SORCS3: variants seen among roughly 807,000 people sequenced by gnomAD.
SORCS3 encodes sortilin related VPS10 domain containing receptor 3.
SORCS3 carries 57 observed loss-of-function variants against 146.3 expected under a neutral mutation model. The ratio of observed to expected loss-of-function variants is 0.39; its 90% confidence interval spans 0.31 to 0.49. The LOEUF (loss-of-function observed/expected upper bound fraction) is 0.49. SORCS3 is among the 20% of genes least tolerant of loss of function. SORCS3 has a pLI of 0.92. For synonymous variants in SORCS3, 653 were observed against 618.5 expected, an observed-to-expected ratio of 1.06 and a Z score of -0.83; for missense variants, 1,341 against 1,575.5, an observed-to-expected ratio of 0.85 and a Z score of 2.52.
intron 4 of SORCS3, among the ~76,000 whole-genome samples, chr10:105,032,568 G>A (rs1365448136): frequency 6.6e-6 from 1 of 152,160 alleles, no homozygotes; most frequent in Non-Finnish European, 1.5e-5. Flanking sequence ...ATATTTAAAT[G>A]TCCTTCTGGA....
At chr10:104,956,232 G>A (rs1226558390) in intron 3 of SORCS3, among the ~76,000 whole-genome samples, 1 of 152,154 alleles carries the variant, frequency 6.6e-6, no homozygotes, top group Non-Finnish European at 1.5e-5. Context: ...CTAAAGAGTT[G>A]GCTCTCTATA....
intron 3 of SORCS3, among the ~76,000 whole-genome samples, chr10:104,965,920 T>G (rs1242234749): frequency 6.6e-6 from 1 of 152,100 alleles, no homozygotes; most frequent in African/African-American, 2.4e-5. Flanking sequence ...GAGTCTAATT[T>G]TGGCAAAGAG....
At chr10:104,777,187 G>A (rs2017319593) in intron 1 of SORCS3, among the ~76,000 whole-genome samples, 1 of 152,142 alleles carries the variant, frequency 6.6e-6, no homozygotes, top group Admixed American at 6.5e-5. Context: ...GGAACTTGAG[G>A]TGACTCTGAA....
At chr10:105,038,848 ATG>A (rs1408483922) in intron 4 of SORCS3, among the ~76,000 whole-genome samples, 1 of 152,128 alleles carries the variant, frequency 6.6e-6, no homozygotes, top group Non-Finnish European at 1.5e-5. Context: ...ATGTTGACAC[ATG>A]TGTTTTATTT....
At position 105,255,846 on chromosome 10, in the gene SORCS3, A is replaced by T. The variant is rs754865158; in HGVS notation, c.3337+45A>T. 1.8e-5 allele frequency: 26 copies of T among 1,450,764 alleles called. No homozygotes were observed. In the South Asian group the frequency reaches 2.8e-4, roughly 16 times the overall value. 89.9% of individuals were successfully genotyped at this position (1,450,764 alleles called of 1,614,324 possible). On this transcript the variant is annotated intron_variant, in intron 24 of 26. Coordinates refer to ENST00000369701, the MANE Select transcript of SORCS3 (RefSeq NM_014978.3). ...GGGGAAATGGGAAAGAGGATCTGTT[A>T]TCCCAGAGAGAAAAGGAGGAGAGAA...
intron 3 of SORCS3, among the ~76,000 whole-genome samples, chr10:104,928,589 C>CA (rs1393901452): frequency 6.6e-6 from 1 of 152,128 alleles, no homozygotes; most frequent in Admixed American, 6.5e-5. Context: ...TCCTCGCCCC[C>CA]AGTTCGTGCC....
intron 20 of SORCS3, among the ~76,000 whole-genome samples, chr10:105,231,502 T>G (rs1015607416): frequency 2.0e-5 from 3 of 152,154 alleles, no homozygotes; most frequent in Non-Finnish European, 4.4e-5. Flanking sequence ...CAATATAACT[T>G]TTGTTTATTT....
At chr10:104,661,792 G>A (rs925603214) in intron 1 of SORCS3, among the ~76,000 whole-genome samples, 1 of 152,134 alleles carries the variant, frequency 6.6e-6, no homozygotes, top group African/African-American at 2.4e-5. Flanking sequence ...TACTGTGATC[G>A]ATGATGAACA....
chr10:104,735,467 T>TTTTTTTTTC (rs2016759249), intron 1 of SORCS3, among the ~76,000 whole-genome samples: 1 of 138,452 alleles, frequency 7.2e-6, no homozygotes, highest in Non-Finnish European at 1.6e-5. Flanking sequence ...TTTTTTTTTT[T>TTTTTTTTTC]TTTTTTTTTT....
chr10:104,811,613 T>A (rs927430282), intron 1 of SORCS3, among the ~76,000 whole-genome samples: 1 of 152,294 alleles, frequency 6.6e-6, no homozygotes, highest in Admixed American at 6.5e-5. Context: ...GACTGGAATT[T>A]AGGATAAGCA....
rs759882858 is a variant in SORCS3, at chr10:105,214,439, T to G, written c.2376-3T>G. The G allele has an allele frequency of 6.2e-7, 1 of 1,614,012 alleles. No individual in the cohort carries two copies. The highest frequency in any genetic ancestry group is 8.5e-7 in the Non-Finnish European group (1 of 1,179,958). ...ACCACTATCAATTGTCAATTCTACT[T>G]AGGTATCGGCGGATTGTGTCCAACA... On this transcript the variant is annotated splice_polypyrimidine_tract_variant and splice_region_variant and intron_variant, in intron 17 of 26. Transcript: ENST00000369701.
chr10:105,065,631 G>T (rs1000853487), intron 5 of SORCS3, among the ~76,000 whole-genome samples: 8 of 152,124 alleles, frequency 5.3e-5, no homozygotes, highest in African/African-American at 1.4e-4. Context: ...CATGTTCTTA[G>T]CCTGGGTCTA....
At chr10:104,695,012 C>T (rs565496557) in intron 1 of SORCS3, among the ~76,000 whole-genome samples, 8 of 152,082 alleles carry the variant, frequency 5.3e-5, no homozygotes, top group Admixed American at 3.3e-4. Context: ...GATCAGGGCT[C>T]GATAAATTTC....
At chr10:105,166,240 A>G (rs2056311739) in intron 12 of SORCS3, among the ~76,000 whole-genome samples, 1 of 152,020 alleles carries the variant, frequency 6.6e-6, no homozygotes, top group African/African-American at 2.4e-5. Context: ...CCTCTTACAC[A>G]TTCACCCCTT....
chr10:105,186,704 GA>G (rs2056479173), intron 14 of SORCS3, among the ~76,000 whole-genome samples: 1 of 151,856 alleles, frequency 6.6e-6, no homozygotes, highest in Non-Finnish European at 1.5e-5. Flanking sequence ...CCAACATAGT[GA>G]AACCCCGTCT....
chr10:104,881,664 G>A (rs1446212582), intron 2 of SORCS3, among the ~76,000 whole-genome samples: 2 of 152,130 alleles, frequency 1.3e-5, no homozygotes, highest in Admixed American at 6.6e-5. Context: ...ATATAGACAA[G>A]CACACACATG....
At chr10:104,897,041 T>C (rs527876073) in intron 2 of SORCS3, among the ~76,000 whole-genome samples, 17 of 152,322 alleles carry the variant, frequency 1.1e-4, no homozygotes, top group African/African-American at 3.4e-4. Context: ...CTCACTCTTT[T>C]GGGTGCTGCT....
intron 2 of SORCS3, among the ~76,000 whole-genome samples, chr10:104,909,414 C>T (rs140599333): frequency 6.6e-6 from 1 of 152,048 alleles, no homozygotes; most frequent in Non-Finnish European, 1.5e-5. Flanking sequence ...ACAACCACAA[C>T]TGTGGTTGTT....
chr10:104,682,086 G>A (rs35025200), intron 1 of SORCS3, among the ~76,000 whole-genome samples: 18,686 of 152,218 alleles, frequency 0.12, 1,159 homozygotes, highest in Non-Finnish European at 0.15. Context: ...GCTGGTGGGG[G>A]GAGTATTATA....
Sources: allele counts gnomAD v4.1 joint callset (sites outside exome capture counted in the v4.1 genomes callset), GRCh38; gene constraint gnomAD v4.1.1; transcripts MANE v1.5; gene names NCBI Gene and HGNC (gene_info 2026-07-23, HGNC 2026-07-21).